The following GRM5 variants were observed in gnomAD, a reference collection of about 807,000 sequenced individuals.
The protein encoded by GRM5 is glutamate metabotropic receptor 5.
In GRM5, 19 loss-of-function variants were observed where a neutral mutation model predicts 83.1. The ratio of observed to expected loss-of-function variants is 0.23; its 90% confidence interval spans 0.16 to 0.34. The LOEUF is 0.34. GRM5 is among the 10% of genes least tolerant of loss of function. The pLI, the probability that GRM5 is intolerant of heterozygous loss-of-function variation, is 1.00. For synonymous variants in GRM5, 675 were observed against 633.6 expected, an observed-to-expected ratio of 1.07 and a Z score of -0.98; for missense variants, 1,160 against 1,588.3, an observed-to-expected ratio of 0.73 and a Z score of 4.58.
At chr11:88,926,128 C>G (rs1945784570) in intron 2 of GRM5, among the ~76,000 whole-genome samples, 1 of 152,144 alleles carries the variant, frequency 6.6e-6, no homozygotes. Context: ...CACCTTTTCC[C>G]ATTTGATTCC....
intron 3 of GRM5, among the ~76,000 whole-genome samples, chr11:88,658,768 A>G (rs1312704088): frequency 6.6e-6 from 1 of 152,210 alleles, no homozygotes; most frequent in Non-Finnish European, 1.5e-5. Flanking sequence ...TTGTTAATCA[A>G]GGAATAGTGA....
intron 3 of GRM5, among the ~76,000 whole-genome samples, chr11:88,813,957 A>T (rs886882726): frequency 1.4e-5 from 2 of 140,786 alleles, no homozygotes; most frequent in African/African-American, 2.7e-5. Flanking sequence ...TTCAAAAGAT[A>T]AAAAAAAACA....
intron 2 of GRM5, among the ~76,000 whole-genome samples, chr11:88,995,123 T>G (rs895434675): frequency 3.9e-5 from 6 of 152,126 alleles, no homozygotes; most frequent in African/African-American, 1.4e-4. Context: ...GAAACTAAGC[T>G]TTAAAAATCA....
At chr11:88,994,149 A>T (rs151164134) in intron 2 of GRM5, among the ~76,000 whole-genome samples, 266 of 152,094 alleles carry the variant, frequency 1.7e-3, no homozygotes, top group African/African-American at 5.9e-3. Flanking sequence ...AAAAGAATTA[A>T]ATGCTTGGGA....
chr11:88,621,949 G>C (rs2135257613), intron 4 of GRM5, among the ~76,000 whole-genome samples: 1 of 152,246 alleles, frequency 6.6e-6, no homozygotes, highest in African/African-American at 2.4e-5. Context: ...GATTAGGGTA[G>C]AAAGTAGATC....
chr11:88,885,450 G>GTTTTTTTT lies in GRM5; in HGVS notation c.662-35303_662-35296dup, dbSNP rs61456975. Among the ~76,000 whole-genome samples, 26 of 62,660 alleles carry GTTTTTTTT rather than the reference G, an allele frequency of 4.1e-4. 2 individuals are homozygous for GTTTTTTTT. The highest frequency in any genetic ancestry group is 1.5e-3 in the African/African-American group (25 of 16,888). 41.1% of individuals were successfully genotyped at this position (62,660 alleles called of 152,430 possible). On this transcript the variant is annotated intron_variant, in intron 2 of 9. Coordinates refer to ENST00000305447, the MANE Select transcript of GRM5 (RefSeq NM_001143831.3). ...TTCTGAATTCTATAGTAGGTACCATGTTTTTTTTTTTTTTTTTTTTTTTTT... is the reference window on the plus strand; with the variant it reads ...TTCTGAATTCTATAGTAGGTACCATGTTTTTTTTTTTTTTTTTTTTTTTTTTTTTTTTT...
intron 2 of GRM5, among the ~76,000 whole-genome samples, chr11:89,027,853 T>C (rs551015394): frequency 3.9e-5 from 6 of 152,212 alleles, no homozygotes; most frequent in Non-Finnish European, 8.8e-5. Flanking sequence ...CCAAAACACA[T>C]GTTGAAATTT....
At chr11:88,912,079 C>T (rs746853004) in intron 2 of GRM5, 9 of 461,602 alleles carry the variant, frequency 1.9e-5, no homozygotes, top group Admixed American at 4.9e-5. Context: ...TTCAGAGGAA[C>T]GTGTATCTGT....
chr11:88,901,936 A>G (rs1945320375), intron 2 of GRM5, among the ~76,000 whole-genome samples: 1 of 152,150 alleles, frequency 6.6e-6, no homozygotes, highest in Non-Finnish European at 1.5e-5. Context: ...TAGTTGAGCG[A>G]GGTTTTTCCA....
rs551414507 is a variant in GRM5 at position 88,709,714 on chromosome 11, A to G, written c.912-56311T>C. ...CAACAGAGGCTGTATTTCCATCACC[A>G]TTTCCGGGCAAGCTTGTGCTTCTGG... On this transcript the variant is annotated intron_variant, in intron 3 of 9. Transcript: ENST00000305447. 5.3e-5 allele frequency among the ~76,000 whole-genome samples: 8 copies of G among 152,090 alleles called. 1 individual carries two copies. In the South Asian group the frequency reaches 1.7e-3, roughly 32 times the overall value.
intron 2 of GRM5, among the ~76,000 whole-genome samples, chr11:88,852,106 C>G (rs11021606): frequency 2.0e-5 from 3 of 152,056 alleles, no homozygotes. Context: ...GTGAATTTAT[C>G]GAGAATTTCA....
At chr11:88,901,926 T>C (rs1161949626) in intron 2 of GRM5, among the ~76,000 whole-genome samples, 1 of 152,170 alleles carries the variant, frequency 6.6e-6, no homozygotes, top group Non-Finnish European at 1.5e-5. Context: ...ATAAGTTCCA[T>C]AGTTGAGCGA....
chr11:88,907,797 C>G (rs747924155), intron 2 of GRM5, among the ~76,000 whole-genome samples: 5 of 152,058 alleles, frequency 3.3e-5, no homozygotes, highest in Non-Finnish European at 5.9e-5. Flanking sequence ...AAATGTTCCT[C>G]AGAATTATTA....
rs761478505 is a variant in GRM5, at chr11:89,047,634, T to C, written c.239A>G (p.Asn80Ser). The C allele has an allele frequency of 1.9e-6, 3 of 1,614,126 alleles. No individual in the cohort carries two copies. Among genetic ancestry groups the C allele is most frequent in the Admixed American group, 1.7e-5 (1 of 60,002 alleles). Residue 80 changes from asparagine to serine, a missense_variant, in exon 2 of 10, where the codon AAT becomes AGT. Asn to Ser is a conservative substitution (Grantham distance 46, BLOSUM62 1). This residue lies in a region of GRM5 where 71 missense variants were observed against 145.8 expected (regional missense o/e 0.49). Coordinates refer to ENST00000305447, the MANE Select transcript of GRM5 (RefSeq NM_001143831.3). This position sits in a 1 kb window ranked among gnomAD's most constrained non-coding sequence, Gnocchi z 5.1. Reference protein sequence around the residue: ...EAMLHTLERINSDPTLLPNIT... With the variant: ...EAMLHTLERISSDPTLLPNIT... Reference sequence around the variant, plus strand: ...GTTGGGCAAGAGTGTGGGGTCTGAATTGATCCTTTCCAGGGTATGCAGCAT... The same window carrying C: ...GTTGGGCAAGAGTGTGGGGTCTGAACTGATCCTTTCCAGGGTATGCAGCAT...
intron 2 of GRM5, among the ~76,000 whole-genome samples, chr11:88,930,075 G>A (rs892247286): frequency 6.6e-6 from 1 of 151,942 alleles, no homozygotes; most frequent in Non-Finnish European, 1.5e-5. Context: ...AATAAGACAT[G>A]CCAAAAAAGG....
intron 3 of GRM5, among the ~76,000 whole-genome samples, chr11:88,739,450 T>C (rs1941986222): frequency 6.6e-6 from 1 of 152,122 alleles, no homozygotes; most frequent in South Asian, 2.1e-4. Context: ...TACATTTATT[T>C]TAATTTAGGA....
intron 3 of GRM5, among the ~76,000 whole-genome samples, chr11:88,706,698 G>T (rs1941167448): frequency 6.6e-6 from 1 of 152,162 alleles, no homozygotes; most frequent in East Asian, 1.9e-4. Flanking sequence ...AAATAATACA[G>T]AAAATGTTCT....
chr11:88,754,080 A>T (rs1031114222), intron 3 of GRM5, among the ~76,000 whole-genome samples: 2 of 152,196 alleles, frequency 1.3e-5, no homozygotes, highest in Non-Finnish European at 2.9e-5. Flanking sequence ...ACCATATCAT[A>T]CACCATGGAA....
intron 4 of GRM5, chr11:88,612,780 C>G (rs1016955576): frequency 2.0e-5 from 3 of 152,238 alleles, no homozygotes; most frequent in African/African-American, 4.8e-5. Context: ...TGAGAAGTGT[C>G]TGTTCATGTC....
Sources: gnomAD v4.1 joint callset for allele counts (sites outside exome capture counted in the v4.1 genomes callset) on GRCh38, gnomAD v4.1.1 for gene constraint, gnomAD v4.1.1 regional missense constraint, Gnocchi (gnomAD v3.1) non-coding constraint, MANE v1.5 for transcripts, NCBI Gene and HGNC (gene_info 2026-07-23, HGNC 2026-07-21) for gene names.